CYP2S1: variants seen among roughly 807,000 people sequenced by gnomAD.
CYP2S1 encodes cytochrome P450 2S1.
A neutral mutation model predicts 43.5 loss-of-function variants in CYP2S1; 32 were observed. The ratio of observed to expected loss-of-function variants is 0.74; its 90% confidence interval spans 0.56 to 0.99. The LOEUF (loss-of-function observed/expected upper bound fraction) is 0.99, where lower values mean the gene tolerates loss of function less well. Among genes scored for constraint, CYP2S1 ranks in the 50% least tolerant of loss-of-function variants. The pLI is 0.00. For synonymous variants in CYP2S1, 283 were observed against 302.9 expected, an observed-to-expected ratio of 0.93 and a Z score of 0.68; for missense variants, 575 against 673.9, an observed-to-expected ratio of 0.85 and a Z score of 1.62.
intron 7 of CYP2S1, among the ~76,000 whole-genome samples, chr19:41,205,342 T>C (rs56111989): frequency 0.034 from 3,772 of 111,238 alleles, 122 homozygotes; most frequent in African/African-American, 0.13. Context: ...TTCTTTCTTT[T>C]TTTCTTTCTT....
At position 41,203,513 on chromosome 19, in the gene CYP2S1, G is replaced by C; in HGVS notation, c.1040G>C (p.Arg347Pro). Residue 347 changes from arginine (R) to proline (P), a missense_variant, in exon 7 of 9, where the codon CGT becomes CCT. Around this residue, in one of 2 missense-constraint regions of CYP2S1, gnomAD observed 222 missense variants for 306.3 expected, o/e 0.72. Coordinates refer to ENST00000310054, the MANE Select transcript of CYP2S1 (RefSeq NM_030622.8). ...GGCCAGGCACCAAGCCTAGGGGACC[G>C]TACCCGCCTCCCTTACACCGACGCG... ...GAGQAPSLGD[R>P]TRLPYTDAVL... 1.2e-6 allele frequency: 2 copies of C among 1,600,440 alleles called. No individual in the cohort carries two copies. The highest frequency in any genetic ancestry group is 1.7e-6 in the Non-Finnish European group (2 of 1,172,394).
Position 41,193,317 on chromosome 19 carries a change from T to G in CYP2S1, c.53T>G (p.Leu18Arg). 6.5e-7 allele frequency: 1 copy of G among 1,541,636 alleles called. No individual in the cohort carries two copies. Among genetic ancestry groups the G allele is most frequent in the South Asian group, 1.2e-5 (1 of 83,808 alleles). ...CTGCTGGCGCTGGCGCTGCTCCTGCTGCTGACGCTGGCGCTGTCCGGGACC... is the reference window on the plus strand; with the variant it reads ...CTGCTGGCGCTGGCGCTGCTCCTGCGGCTGACGCTGGCGCTGTCCGGGACC... ...ALLLALALLLLLTLALSGTRA... is the reference protein window; with the variant it reads ...ALLLALALLLRLTLALSGTRA... Residue 18 changes from leucine (L) to arginine (R), a missense_variant, in exon 1 of 9, where the codon CTG (leucine) becomes CGG (arginine). Physicochemically the swap from Leu to Arg is moderately radical, Grantham distance 102. Around this residue, in one of 2 missense-constraint regions of CYP2S1, gnomAD observed 353 missense variants for 367.6 expected, o/e 0.96. Coordinates refer to ENST00000310054, the MANE Select transcript of CYP2S1 (RefSeq NM_030622.8).
Position 41,193,225 on chromosome 19 carries a change from G to T in CYP2S1, c.-40G>T, listed in dbSNP as rs528991454. The T allele has an allele frequency of 7.4e-6, 11 of 1,485,250 alleles. No homozygotes were observed. The South Asian group carries it at 1.0e-4, about 14-fold the overall frequency. 92.0% of individuals were successfully genotyped at this position (1,485,250 alleles called of 1,614,324 possible). A position where few individuals can be genotyped will look rare whatever the true frequency, so the allele number is the denominator to read the frequency against. ...TCCCGCCCCTAACTAGCCCAGCCGC[G>T]CGGAGCGCCTGGGAGAGGAGAAGGA... On this transcript the variant is annotated 5_prime_UTR_variant, in exon 1 of 9. Transcript: ENST00000310054.
Position 41,206,610 on chromosome 19 carries a change from T to C in CYP2S1, c.*122T>C. On this transcript the variant is annotated 3_prime_UTR_variant, in exon 9 of 9. Transcript: ENST00000310054. ...GGCAGCCACATTTACACGCCTGCAGTTGTTTTCCGGAGTCTGTCCCACGGC... is the reference window on the plus strand; with the variant it reads ...GGCAGCCACATTTACACGCCTGCAGCTGTTTTCCGGAGTCTGTCCCACGGC... 7.9e-7 allele frequency: 1 copy of C among 1,266,944 alleles called. No individual in the cohort carries two copies. Among genetic ancestry groups the C allele is most frequent in the Admixed American group, 1.7e-5 (1 of 59,548 alleles). The allele number at this position is 1,266,944 out of a possible 1,614,324, so 78.5% of individuals were successfully genotyped here. A position where few individuals can be genotyped will look rare whatever the true frequency, so the allele number is the denominator to read the frequency against.
chr19:41,203,633 C>A lies in CYP2S1; in HGVS notation c.1160C>A (p.Pro387His). 1.3e-6 allele frequency: 2 copies of A among 1,537,142 alleles called. No homozygotes were observed. The highest frequency in any genetic ancestry group is 8.8e-7 in the Non-Finnish European group (1 of 1,139,264). Reference sequence around the variant, plus strand: ...ACCCGCTTCCGAGGGTACACCCTGCCCCAGGTGGGTATGCGTATGGCTGCC... The same window carrying A: ...ACCCGCTTCCGAGGGTACACCCTGCACCAGGTGGGTATGCGTATGGCTGCC... ...RTTRFRGYTL[P>H]QGTEVFPLLG... The change falls in exon 7 of 9, where the codon CCC becomes CAC. Residue 387 changes from proline to histidine, a missense_variant. By Grantham distance (77) the Pro-to-His change is moderately conservative. Around this residue, in one of 2 missense-constraint regions of CYP2S1, gnomAD observed 222 missense variants for 306.3 expected, o/e 0.72. Coordinates refer to ENST00000310054, the MANE Select transcript of CYP2S1 (RefSeq NM_030622.8).
chr19:41,197,072 G>A (rs1599712377), intron 2 of CYP2S1, among the ~76,000 whole-genome samples: 1 of 152,308 alleles, frequency 6.6e-6, no homozygotes, highest in Admixed American at 6.5e-5. Context: ...GCATATGCCT[G>A]TAATCCCAGC....
chr19:41,205,816 G>A (rs1032252396), intron 7 of CYP2S1, 142 bp from the exon 8 acceptor site: 46 of 1,094,200 alleles, frequency 4.2e-5, no homozygotes, highest in South Asian at 2.5e-4. Flanking sequence ...GCCACTGCAC[G>A]CCACTCAACA....
At chr19:41,201,155 C>T (rs1568401065) in intron 5 of CYP2S1, 76 bp from the exon 6 acceptor site, 2 of 1,541,828 alleles carry the variant, frequency 1.3e-6, no homozygotes, top group Non-Finnish European at 1.8e-6. Context: ...GTGTTTCCGA[C>T]CCCAGGCTTG....
At chr19:41,205,334 C>CTT (rs1281278788) in intron 7 of CYP2S1, among the ~76,000 whole-genome samples, 3 of 101,076 alleles carry the variant, frequency 3.0e-5, no homozygotes, top group African/African-American at 1.0e-4. Flanking sequence ...GCCTTTCTTT[C>CTT]TTTCTTTTTT....
intron 2 of CYP2S1, among the ~76,000 whole-genome samples, chr19:41,195,106 C>T (rs1202949273): frequency 6.6e-6 from 1 of 151,920 alleles, no homozygotes; most frequent in Non-Finnish European, 1.5e-5. Context: ...ACAGAGTGAG[C>T]CTCCATCTCA....
At chr19:41,204,596 T>C (rs1023970244) in intron 7 of CYP2S1, among the ~76,000 whole-genome samples, 1 of 143,726 alleles carries the variant, frequency 7.0e-6, no homozygotes, top group African/African-American at 2.6e-5. Flanking sequence ...CTTCTTCTTT[T>C]TTTTTTTTTT....
At chr19:41,201,477 G>C in intron 6 of CYP2S1, 105 bp downstream of exon 6, 2 of 1,466,558 alleles carry the variant, frequency 1.4e-6, no homozygotes, top group East Asian at 2.3e-5. Context: ...AGGCTGAGGC[G>C]GGCTGATCAC....
Position 41,206,801 on chromosome 19 carries a change from C to T in CYP2S1, c.*313C>T, listed in dbSNP as rs887370599. ...TAACCCACCAACTCCCCTGGATCTG[C>T]AGCCCACACGTGGGAGTCTGGCTGT... On this transcript the variant is annotated 3_prime_UTR_variant, in exon 9 of 9. Transcript: ENST00000310054. The T allele has an allele frequency of 2.7e-5, 15 of 557,210 alleles. No homozygotes were observed. Among genetic ancestry groups the T allele is most frequent in the African/African-American group, 2.6e-4 (14 of 53,684 alleles). 34.5% of individuals were successfully genotyped at this position (557,210 alleles called of 1,614,324 possible). A position where few individuals can be genotyped will look rare whatever the true frequency, so the allele number is the denominator to read the frequency against.
At chr19:41,197,496 C>T (rs921109562) in intron 2 of CYP2S1, among the ~76,000 whole-genome samples, 1 of 151,920 alleles carries the variant, frequency 6.6e-6, no homozygotes, top group Non-Finnish European at 1.5e-5. Flanking sequence ...GTCAGGAGAT[C>T]GAGACCATCC....
intron 2 of CYP2S1, among the ~76,000 whole-genome samples, chr19:41,196,613 G>T (rs758569670): frequency 6.6e-6 from 1 of 151,658 alleles, no homozygotes; most frequent in Non-Finnish European, 1.5e-5. Context: ...ATGGTGGGCT[G>T]AAACAGGGAG....
At chr19:41,205,465 C>T (rs2033562832) in intron 7 of CYP2S1, among the ~76,000 whole-genome samples, 1 of 149,248 alleles carries the variant, frequency 6.7e-6, no homozygotes, top group Admixed American at 6.8e-5. Context: ...CTCTCTCTCT[C>T]TCTTTCTTCC....
In CYP2S1 at chr19:41,194,778, A is replaced by G. The variant is rs560225383; in HGVS notation, c.343+69A>G. On this transcript the variant is annotated intron_variant, in intron 2 of 8. Coordinates refer to ENST00000310054, the MANE Select transcript of CYP2S1 (RefSeq NM_030622.8). ...ACTTACTGGTGTGTGACCTTTGCACATGGCTTAGTCCCTCTGTTGCCTCAT... is the reference window on the plus strand; with the variant it reads ...ACTTACTGGTGTGTGACCTTTGCACGTGGCTTAGTCCCTCTGTTGCCTCAT... The G allele has an allele frequency of 2.0e-5, 31 of 1,556,432 alleles. No homozygotes were observed. The South Asian group carries it at 2.8e-4, about 14-fold the overall frequency.
intron 2 of CYP2S1, among the ~76,000 whole-genome samples, 196 bp downstream of exon 2, chr19:41,194,905 C>T (rs1190407161): frequency 6.6e-6 from 1 of 152,096 alleles, no homozygotes; most frequent in African/African-American, 2.4e-5. Context: ...CACTTGAGGT[C>T]AGGAGTTCGA....
At chr19:41,206,207 C>T (rs2033574626) in intron 8 of CYP2S1, 73 bp from the exon 9 acceptor site, 5 of 1,610,508 alleles carry the variant, frequency 3.1e-6, no homozygotes, top group East Asian at 2.2e-5. Flanking sequence ...GGCTCCTCCA[C>T]CTGCTGTTCC....
Sources: allele counts gnomAD v4.1 joint callset (sites outside exome capture counted in the v4.1 genomes callset), GRCh38; gene constraint gnomAD v4.1.1; regional missense constraint gnomAD v4.1.1; transcripts MANE v1.5; gene names NCBI Gene and HGNC (gene_info 2026-07-23, HGNC 2026-07-21).